FILIP1L: variants seen among roughly 807,000 people sequenced by gnomAD.
FILIP1L encodes the protein filamin A interacting protein 1 like, also known as filamin A-interacting protein 1-like.
In FILIP1L, 55 loss-of-function variants were observed where a neutral mutation model predicts 96.6. The observed-to-expected ratio is 0.57, with a 90% confidence interval of 0.46 to 0.71. The LOEUF is 0.71. Among genes scored for constraint, FILIP1L ranks in the 30% least tolerant of loss-of-function variants. FILIP1L has a pLI of 0.00. For synonymous variants in FILIP1L, 467 were observed against 473.9 expected (o/e 0.99, Z 0.19); for missense variants, 1,304 against 1,321.2 (o/e 0.99, Z 0.20).
At chr3:99,952,907 C>T (rs1462109915) in intron 1 of FILIP1L, among the ~76,000 whole-genome samples, 1 of 152,012 alleles carries the variant, frequency 6.6e-6, no homozygotes, top group African/African-American at 2.4e-5. Context: ...AGGTATACCC[C>T]CAAAATGGGC....
chr3:99,954,004 G>A (rs1708250416), intron 1 of FILIP1L, among the ~76,000 whole-genome samples: 1 of 152,202 alleles, frequency 6.6e-6, no homozygotes, highest in Non-Finnish European at 1.5e-5. Context: ...CCTTATTTTT[G>A]TTGCACCCTT....
chr3:99,881,412 GA>G (rs1342466695), intron 4 of FILIP1L, among the ~76,000 whole-genome samples: 1 of 152,092 alleles, frequency 6.6e-6, no homozygotes, highest in Non-Finnish European at 1.5e-5. Flanking sequence ...ACAGAAATTA[GA>G]GACGGAAAAG....
intron 4 of FILIP1L, among the ~76,000 whole-genome samples, chr3:99,869,610 C>T (rs946260581): frequency 2.0e-5 from 3 of 152,132 alleles, no homozygotes; most frequent in African/African-American, 7.2e-5. Context: ...CAGCAAGAAA[C>T]CAGCAACTTT....
chr3:100,029,611 T>C (rs949270277), intron 1 of FILIP1L, among the ~76,000 whole-genome samples: 1 of 152,176 alleles, frequency 6.6e-6, no homozygotes, highest in Non-Finnish European at 1.5e-5. Flanking sequence ...AATAGTCTAA[T>C]CACTAAAATA....
Position 100,096,018 on chromosome 3 carries a change from A to G in FILIP1L, c.-11+18035T>C, listed in dbSNP as rs147098438. Among the ~76,000 whole-genome samples, 231 of 152,334 alleles carry G rather than the reference A, an allele frequency of 1.5e-3. 3 individuals are homozygous for G. Among genetic ancestry groups the G allele is most frequent in the Admixed American group, 0.015 (225 of 15,296 alleles). On this transcript the variant is annotated intron_variant, in intron 1 of 5. Transcript: ENST00000477258. ...TACAGATGACAAACAGGCATATGAA[A>G]AGGTGCTCAAAATCATTGATCATCA... is the stretch of plus-strand genomic sequence containing the variant.
Position 100,081,017 on chromosome 3 carries a change from T to G in FILIP1L, c.-11+33036A>C, listed in dbSNP as rs2065923529. On this transcript the variant is annotated intron_variant, in intron 1 of 5. Transcript: ENST00000477258. ...TGTCATTATTTATTCAAGAACTATC[T>G]GTTGAGCATCTTGTGTAATGAAGGT... Among the ~76,000 whole-genome samples the G allele has an allele frequency of 7.2e-5, 11 of 152,220 alleles. No homozygotes were observed. The South Asian group carries it at 2.3e-3, about 32-fold the overall frequency.
chr3:100,103,536 A>G (rs2066343701), intron 1 of FILIP1L, among the ~76,000 whole-genome samples: 1 of 152,192 alleles, frequency 6.6e-6, no homozygotes, highest in Non-Finnish European at 1.5e-5. Flanking sequence ...GGTTTTTTCT[A>G]GGCAAGTTGG....
At chr3:100,049,826 A>G (rs543788538) in intron 1 of FILIP1L, among the ~76,000 whole-genome samples, 1 of 152,350 alleles carries the variant, frequency 6.6e-6, no homozygotes, top group Admixed American at 6.5e-5. Context: ...TATATATACA[A>G]CATACAAAAT....
Position 99,936,842 on chromosome 3 carries a change from T to A in FILIP1L, c.-10-5812A>T, listed in dbSNP as rs192926441. Among the ~76,000 whole-genome samples, 575 of 152,272 alleles carry A rather than the reference T, an allele frequency of 3.8e-3. 3 individuals are homozygous for A. The highest frequency in any genetic ancestry group is 0.013 in the African/African-American group (547 of 41,560). The stretch of plus-strand genomic sequence containing the variant: ...ACATAGTAAAGGAAAAATCCTGGTT[T>A]AACATTAATTTATTCAACAAACATT... On this transcript the variant is annotated intron_variant, in intron 1 of 5. Coordinates refer to ENST00000477258, the MANE Select transcript of FILIP1L (RefSeq NM_001387850.1).
intron 4 of FILIP1L, among the ~76,000 whole-genome samples, chr3:99,900,117 C>T (rs1706388384): frequency 6.6e-6 from 1 of 152,074 alleles, no homozygotes; most frequent in Non-Finnish European, 1.5e-5. Context: ...AGCAGGTATT[C>T]AGTAAATATG....
intron 4 of FILIP1L, among the ~76,000 whole-genome samples, chr3:99,911,382 C>G (rs187774917): frequency 1.5e-4 from 23 of 150,978 alleles, no homozygotes; most frequent in African/African-American, 4.9e-4. Context: ...TAAGTTGTTT[C>G]CAAATTTGAC....
At chr3:99,891,182 A>C (rs1706071846) in intron 4 of FILIP1L, among the ~76,000 whole-genome samples, 1 of 151,860 alleles carries the variant, frequency 6.6e-6, no homozygotes, top group Admixed American at 6.6e-5. Context: ...AGTTCATGGA[A>C]AGCAGTTTTC....
intron 1 of FILIP1L, among the ~76,000 whole-genome samples, chr3:100,071,090 C>CTTTTTTTTTTTTT (rs61563009): frequency 1.4e-5 from 1 of 70,580 alleles, no homozygotes; most frequent in East Asian, 4.9e-4. Flanking sequence ...GCTACTCTCT[C>CTTTTTTTTTTTTT]TTTTTTTTTT....
chr3:99,990,368 C>G (rs1002717127), intron 1 of FILIP1L, among the ~76,000 whole-genome samples: 3 of 152,206 alleles, frequency 2.0e-5, no homozygotes, highest in African/African-American at 7.2e-5. Context: ...CGTTCAATCT[C>G]TCTATTCACA....
intron 1 of FILIP1L, among the ~76,000 whole-genome samples, chr3:100,052,627 G>A (rs1020857717): frequency 6.6e-6 from 1 of 152,222 alleles, no homozygotes; most frequent in African/African-American, 2.4e-5. Flanking sequence ...TAGCTCAGGA[G>A]CAAGTATTAA....
intron 4 of FILIP1L, among the ~76,000 whole-genome samples, chr3:99,907,231 C>T (rs1009973835): frequency 6.6e-6 from 1 of 151,930 alleles, no homozygotes; most frequent in African/African-American, 2.4e-5. Context: ...TCTTAACTAC[C>T]TATTACCCTT....
intron 1 of FILIP1L, among the ~76,000 whole-genome samples, chr3:99,983,464 GTATATATATATATATATATATATATATA>G (rs1191587665): frequency 1.6e-4 from 2 of 12,676 alleles, no homozygotes; most frequent in African/African-American, 2.1e-4. Context: ...ATATATGTGT[GTATATATATATATATATATATATATATA>G]TATATATATA....
At chr3:99,948,156 G>A (rs778915481) in intron 1 of FILIP1L, among the ~76,000 whole-genome samples, 9 of 152,056 alleles carry the variant, frequency 5.9e-5, no homozygotes, top group Non-Finnish European at 1.3e-4. Context: ...TAGAAACATG[G>A]TTACCAAACA....
chr3:99,853,147 T>C (rs1242465484), intron 4 of FILIP1L, among the ~76,000 whole-genome samples: 1 of 152,214 alleles, frequency 6.6e-6, no homozygotes, highest in East Asian at 1.9e-4. Context: ...ATGGGACTTC[T>C]CAACCCAGTG....
Sources: gnomAD v4.1 joint callset for allele counts (sites outside exome capture counted in the v4.1 genomes callset) on GRCh38, gnomAD v4.1.1 for gene constraint, MANE v1.5 for transcripts, NCBI Gene and HGNC (gene_info 2026-07-23, HGNC 2026-07-21) for gene names.